The following NMRAL1 variants were observed in gnomAD, a reference collection of about 807,000 sequenced individuals.
NMRAL1 encodes NmrA like redox sensor 1.
A neutral mutation model predicts 27.5 loss-of-function variants in NMRAL1; 32 were observed. The ratio of observed to expected loss-of-function variants is 1.16; its 90% CI spans 0.88 to 1.56. The LOEUF (loss-of-function observed/expected upper bound fraction) is 1.56, where lower values mean the gene tolerates loss of function less well. NMRAL1 is among the 40% of genes most tolerant of loss of function. The probability of loss-of-function intolerance (pLI) is 0.00; values close to 1 mark genes in which losing one functional copy is unlikely to be tolerated. For missense variants in NMRAL1, 420 were observed against 392.0 expected (o/e 1.07, Z -0.60); for synonymous variants, 166 against 166.8 (o/e 1.00, Z 0.04).
intron 5 of NMRAL1, among the ~76,000 whole-genome samples, chr16:4,462,823 C>G (rs1192037278): frequency 6.6e-6 from 1 of 151,550 alleles, no homozygotes; most frequent in East Asian, 1.9e-4. Flanking sequence ...GCGCCTGACC[C>G]AACTTTCGTC....
At chr16:4,475,953 A>G (rs1447661745), upstream of NMRAL1, 3 of 152,234 alleles carry the variant, frequency 2.0e-5, no homozygotes, top group African/African-American at 4.8e-5. Flanking sequence ...AAGAAAAATC[A>G]TTCTGTCATT....
intron 5 of NMRAL1, 67 bp downstream of exon 5, chr16:4,463,593 C>T (rs766549595): frequency 2.7e-5 from 40 of 1,472,586 alleles, no homozygotes; most frequent in Non-Finnish European, 3.6e-5. Context: ...GCCCTGGACA[C>T]ACCCTCCCTA....
At chr16:4,467,380 C>G (rs899481748) in intron 3 of NMRAL1, among the ~76,000 whole-genome samples, 2 of 151,900 alleles carry the variant, frequency 1.3e-5, no homozygotes, top group Admixed American at 6.6e-5. Flanking sequence ...ACTACAGGTG[C>G]CCGCCACCAT....
At chr16:4,474,271 G>T in intron 1 of NMRAL1, 105 bp from the exon 2 acceptor site, 3 of 797,098 alleles carry the variant, frequency 3.8e-6, no homozygotes, top group Non-Finnish European at 6.1e-6. Flanking sequence ...GTCGAAGGGG[G>T]CGGCTGGGCC....
intron 4 of NMRAL1, among the ~76,000 whole-genome samples, chr16:4,465,838 C>A (rs895330815): frequency 1.3e-5 from 2 of 152,166 alleles, no homozygotes; most frequent in Admixed American, 1.3e-4. Flanking sequence ...CCACAGCGCC[C>A]GGCCCTCCTC....
At chr16:4,474,461 C>A (rs1016631531) in intron 1 of NMRAL1, 93 bp downstream of exon 1, 3 of 315,502 alleles carry the variant, frequency 9.5e-6, no homozygotes, top group African/African-American at 2.2e-5. Flanking sequence ...TTCCAGGAGC[C>A]CGGGACCCCG....
intron 2 of NMRAL1, among the ~76,000 whole-genome samples, chr16:4,469,867 A>T (rs1161442222): frequency 8.7e-6 from 1 of 114,386 alleles, no homozygotes; most frequent in African/African-American, 4.1e-5. Flanking sequence ...AATCTGTATT[A>T]AAAAAAAAAA....
upstream of NMRAL1, among the ~76,000 whole-genome samples, chr16:4,475,101 G>A (rs1319758795): frequency 6.6e-6 from 1 of 151,870 alleles, no homozygotes; most frequent in Non-Finnish European, 1.5e-5. Context: ...ACAAGCATGT[G>A]CCACCAAGCC....
At chr16:4,472,808 T>C (rs999908886) in intron 2 of NMRAL1, among the ~76,000 whole-genome samples, 4 of 149,564 alleles carry the variant, frequency 2.7e-5, no homozygotes, top group South Asian at 4.2e-4. Flanking sequence ...CTTGAAAACA[T>C]GCTAACTGAA....
At chr16:4,471,572 T>C (rs1353026782) in intron 2 of NMRAL1, 1 of 138,410 alleles carries the variant, frequency 7.2e-6, no homozygotes, top group Admixed American at 7.9e-5. Context: ...TGAGCCGTGA[T>C]CACACCACTG....
chr16:4,468,372 T>G (rs1348706580), intron 3 of NMRAL1, among the ~76,000 whole-genome samples: 1 of 152,008 alleles, frequency 6.6e-6, no homozygotes, highest in Non-Finnish European at 1.5e-5. Context: ...TCCCAGCACT[T>G]TGGGAGGCCG....
chr16:4,463,695 T>G lies in NMRAL1; in HGVS notation c.685A>C (p.Thr229Pro). 1 of 1,613,988 alleles carries G rather than the reference T, an allele frequency of 6.2e-7. No individual in the cohort carries two copies. The highest frequency in any genetic ancestry group is 8.5e-7 in the Non-Finnish European group (1 of 1,180,018). Residue 229 changes from threonine to proline, a missense_variant, in exon 5 of 6, where the codon ACC (threonine) becomes CCC (proline). Coordinates refer to ENST00000283429, the MANE Select transcript of NMRAL1 (RefSeq NM_020677.6). Reference sequence around the variant, plus strand: ...TGCACGACCTTGCGGGTGTGCTTGGTGAGCAGGGCAGCGTACTCCTCGGCC... The same window carrying G: ...TGCACGACCTTGCGGGTGTGCTTGGGGAGCAGGGCAGCGTACTCCTCGGCC... Reference protein sequence around the residue: ...HTAEEYAALLTKHTRKVVHDA... With the variant: ...HTAEEYAALLPKHTRKVVHDA...
At chr16:4,472,449 A>C (rs1214616326) in intron 2 of NMRAL1, among the ~76,000 whole-genome samples, 1 of 152,142 alleles carries the variant, frequency 6.6e-6, no homozygotes, top group African/African-American at 2.4e-5. Flanking sequence ...TCTTAAAAAT[A>C]AAAAAGTAAA....
At chr16:4,475,403 G>T (rs1427470360), upstream of NMRAL1, among the ~76,000 whole-genome samples, 1 of 151,618 alleles carries the variant, frequency 6.6e-6, no homozygotes, top group East Asian at 2.0e-4. Context: ...CGCCTCTTGG[G>T]TTCAAGTGAT....
chr16:4,466,393 G>A lies in NMRAL1; in HGVS notation c.289C>T (p.Leu97Phe). 1.2e-6 allele frequency: 2 copies of A among 1,612,212 alleles called. No individual in the cohort carries two copies. Among genetic ancestry groups the A allele is most frequent in the Non-Finnish European group, 1.7e-6 (2 of 1,179,692 alleles). Reference sequence around the variant, plus strand: ...CCCAGGCGCCTGGCCAGATCAGCGAGCAGCTTCCCCTGGAGGGCAGGGAAG... The same window carrying A: ...CCCAGGCGCCTGGCCAGATCAGCGAACAGCTTCCCCTGGAGGGCAGGGAAG... Reference protein sequence around the residue: ...QEQEVKQGKLLADLARRLGLH... With the variant: ...QEQEVKQGKLFADLARRLGLH... The change falls in exon 4 of 6, where the codon CTC (leucine) becomes TTC (phenylalanine). Residue 97 changes from leucine (L) to phenylalanine (F), a missense_variant. By Grantham distance (22) the Leu-to-Phe change is conservative (BLOSUM62 0). Transcript: ENST00000283429.
At chr16:4,467,448 G>C (rs1461027982) in intron 3 of NMRAL1, among the ~76,000 whole-genome samples, 5 of 151,592 alleles carry the variant, frequency 3.3e-5, no homozygotes, top group African/African-American at 1.2e-4. Context: ...TGGCCAGGCT[G>C]GTCTTGAACT....
intron 2 of NMRAL1, 138 bp downstream of exon 2, chr16:4,473,955 C>T (rs1567367251): frequency 3.2e-6 from 2 of 621,620 alleles, no homozygotes; most frequent in Non-Finnish European, 2.9e-6. Flanking sequence ...GCAATTTGGG[C>T]CTCGTTCCTG....
intron 2 of NMRAL1, among the ~76,000 whole-genome samples, chr16:4,470,595 C>G (rs1281166701): frequency 6.6e-6 from 1 of 151,930 alleles, no homozygotes; most frequent in Non-Finnish European, 1.5e-5. Context: ...AGGTGGATCA[C>G]GAGGTCAGGA....
At chr16:4,467,792 G>GT (rs1361775265) in intron 3 of NMRAL1, among the ~76,000 whole-genome samples, 1 of 151,362 alleles carries the variant, frequency 6.6e-6, no homozygotes, top group Non-Finnish European at 1.5e-5. Context: ...GCTAATTTTT[G>GT]TATTTTTAGT....
Sources: gnomAD v4.1 joint callset for allele counts (sites outside exome capture counted in the v4.1 genomes callset) on GRCh38, gnomAD v4.1.1 for gene constraint, MANE v1.5 for transcripts, NCBI Gene and HGNC (gene_info 2026-07-23, HGNC 2026-07-21) for gene names.